GPR176: variants seen among roughly 807,000 people sequenced by gnomAD.
GPR176 encodes G protein-coupled receptor 176.
Under a neutral mutation model 35.4 loss-of-function variants are expected in GPR176, and 26 were observed. The ratio of observed to expected loss-of-function variants is 0.74; its 90% confidence interval spans 0.54 to 1.02. The LOEUF (loss-of-function observed/expected upper bound fraction) is 1.02, where lower values mean the gene tolerates loss of function less well. Among genes scored for constraint, GPR176 ranks in the 50% least tolerant of loss-of-function variants. The pLI, the probability that GPR176 is intolerant of heterozygous loss-of-function variation, is 0.00. For synonymous variants in GPR176, 278 were observed against 271.3 expected (o/e 1.02, Z -0.24); for missense variants, 597 against 665.3 (o/e 0.90, Z 1.13).
intron 1 of GPR176, among the ~76,000 whole-genome samples, chr15:39,851,337 C>T (rs990745085): frequency 1.3e-5 from 2 of 152,118 alleles, no homozygotes; most frequent in Non-Finnish European, 2.9e-5. Context: ...CAAGAAAGTA[C>T]TGCTGAGTCA....
chr15:39,918,485 GA>G (rs2033785173), intron 1 of GPR176, among the ~76,000 whole-genome samples: 1 of 152,114 alleles, frequency 6.6e-6, no homozygotes, highest in Non-Finnish European at 1.5e-5. Flanking sequence ...AAAACCTGCA[GA>G]AATAAAAATA....
At chr15:39,915,871 C>T (rs369374736) in intron 1 of GPR176, among the ~76,000 whole-genome samples, 25 of 152,166 alleles carry the variant, frequency 1.6e-4, no homozygotes, top group Non-Finnish European at 3.1e-4. Flanking sequence ...CAGAGTGAGA[C>T]GCCATCTCAA....
chr15:39,817,777 A>G (rs898916488), intron 1 of GPR176, among the ~76,000 whole-genome samples: 3 of 152,244 alleles, frequency 2.0e-5, no homozygotes, highest in Non-Finnish European at 4.4e-5. Flanking sequence ...TGATACCTGG[A>G]GAGTTCAAAA....
In GPR176 at chr15:39,799,372, A is replaced by G. The variant is rs1176087647; in HGVS notation, c.*1760T>C. 6.6e-6 allele frequency: 1 copy of G among 152,380 alleles called. No homozygotes were observed. Among genetic ancestry groups the G allele is most frequent in the African/African-American group, 2.4e-5 (1 of 41,470 alleles). The allele number at this position is 152,380 out of a possible 1,614,324, so 9.4% of individuals were successfully genotyped here. On this transcript the variant is annotated 3_prime_UTR_variant, in exon 3 of 3. Coordinates refer to ENST00000561100, the MANE Select transcript of GPR176 (RefSeq NM_007223.3). ...TAGATGCCATGCACGCAGGGCCCAG[A>G]AGGCAGCAGAGCCGCAGGAGGCTGT...
At chr15:39,916,472 TAC>T (rs1247268251) in intron 1 of GPR176, among the ~76,000 whole-genome samples, 5 of 152,220 alleles carry the variant, frequency 3.3e-5, no homozygotes, top group Non-Finnish European at 7.3e-5. Flanking sequence ...GTTGGAATAT[TAC>T]AGTTATTCCA....
chr15:39,850,582 G>C (rs2030790181), intron 1 of GPR176, among the ~76,000 whole-genome samples: 1 of 152,140 alleles, frequency 6.6e-6, no homozygotes, highest in African/African-American at 2.4e-5. Context: ...GGGTAGTGTG[G>C]AAGGGAAGTA....
chr15:39,802,114 G>T lies in GPR176; in HGVS notation c.566C>A (p.Thr189Lys). The change falls in exon 3 of 3, where the codon ACG (threonine) becomes AAG (lysine). Residue 189 changes from threonine (T) to lysine (K), a missense_variant. Physicochemically the swap from Thr to Lys is moderately conservative, Grantham distance 78. This residue lies in a region of GPR176 where 220 missense variants were observed against 297.6 expected (regional missense o/e 0.74). Coordinates refer to ENST00000561100, the MANE Select transcript of GPR176 (RefSeq NM_007223.3). Reference sequence around the variant, plus strand: ...GCTCCAGACTTCCGTGCAGGTGGACGTGGCATAGATGTCAGCCACATTGGT... The same window carrying T: ...GCTCCAGACTTCCGTGCAGGTGGACTTGGCATAGATGTCAGCCACATTGGT... Reference protein sequence around the residue: ...AVTNVADIYATSTCTEVWSNS... With the variant: ...AVTNVADIYAKSTCTEVWSNS... The T allele has an allele frequency of 6.2e-7, 1 of 1,614,162 alleles. No individual in the cohort carries two copies.
chr15:39,821,716 A>G (rs1217955715), intron 1 of GPR176, among the ~76,000 whole-genome samples: 1 of 151,878 alleles, frequency 6.6e-6, no homozygotes, highest in African/African-American at 2.4e-5. Context: ...AGGAACCTGG[A>G]AAAGTTATCT....
intron 1 of GPR176, chr15:39,807,503 G>A: frequency 7.2e-7 from 1 of 1,388,506 alleles, no homozygotes; most frequent in Non-Finnish European, 9.5e-7. Flanking sequence ...ATTTAATTTT[G>A]GGCAAAATAG....
At chr15:39,873,611 TTTTTC>T (rs1203863493) in intron 1 of GPR176, among the ~76,000 whole-genome samples, 6 of 134,360 alleles carry the variant, frequency 4.5e-5, no homozygotes, top group Non-Finnish European at 6.5e-5. Flanking sequence ...CATGGGCTAG[TTTTTC>T]TTTTCTTTTT....
intron 1 of GPR176, among the ~76,000 whole-genome samples, chr15:39,846,793 A>C (rs944451131): frequency 2.0e-5 from 3 of 152,152 alleles, no homozygotes; most frequent in Non-Finnish European, 4.4e-5. Context: ...GATTTTTCAA[A>C]AAGTCTCTAA....
intron 1 of GPR176, among the ~76,000 whole-genome samples, chr15:39,818,878 T>C (rs965797489): frequency 2.0e-5 from 3 of 152,244 alleles, no homozygotes; most frequent in East Asian, 1.9e-4. Context: ...ATTTTTTCCA[T>C]ATAAATCAAC....
intron 1 of GPR176, among the ~76,000 whole-genome samples, chr15:39,880,213 T>A (rs1311111010): frequency 6.6e-6 from 1 of 152,180 alleles, no homozygotes; most frequent in Non-Finnish European, 1.5e-5. Context: ...GAAACAGTTC[T>A]CTCCCAAAGT....
At chr15:39,846,416 G>A (rs138506048) in intron 1 of GPR176, among the ~76,000 whole-genome samples, 8 of 152,288 alleles carry the variant, frequency 5.3e-5, no homozygotes, top group South Asian at 2.1e-4. Flanking sequence ...AACTGCCACC[G>A]CTACCCAGCT....
chr15:39,823,069 C>T (rs1900384325), intron 1 of GPR176, among the ~76,000 whole-genome samples: 1 of 152,234 alleles, frequency 6.6e-6, no homozygotes, highest in South Asian at 2.1e-4. Context: ...CCTGCTACTG[C>T]TTTGGCTATT....
At chr15:39,827,686 A>C (rs1435523748) in intron 1 of GPR176, among the ~76,000 whole-genome samples, 1 of 152,230 alleles carries the variant, frequency 6.6e-6, no homozygotes, top group Non-Finnish European at 1.5e-5. Flanking sequence ...GTAGGTTGGC[A>C]GTATCTATTA....
chr15:39,841,582 C>T (rs1310694657), intron 1 of GPR176, among the ~76,000 whole-genome samples: 1 of 152,012 alleles, frequency 6.6e-6, no homozygotes, highest in African/African-American at 2.4e-5. Flanking sequence ...CTGAGGAATG[C>T]CAGAGATTGC....
At chr15:39,898,638 G>C (rs2033188561) in intron 1 of GPR176, among the ~76,000 whole-genome samples, 2 of 152,158 alleles carry the variant, frequency 1.3e-5, no homozygotes, top group African/African-American at 4.8e-5. Flanking sequence ...GGAGTGTAAA[G>C]AGACGAGCTA....
At chr15:39,891,696 C>A (rs747648255) in intron 1 of GPR176, among the ~76,000 whole-genome samples, 1 of 152,072 alleles carries the variant, frequency 6.6e-6, no homozygotes, top group Non-Finnish European at 1.5e-5. Flanking sequence ...AAATACAGTA[C>A]TGAGTGGTGG....
Sources: gnomAD v4.1 joint callset for allele counts (sites outside exome capture counted in the v4.1 genomes callset) on GRCh38, gnomAD v4.1.1 for gene constraint, gnomAD v4.1.1 regional missense constraint, MANE v1.5 for transcripts, NCBI Gene and HGNC (gene_info 2026-07-23, HGNC 2026-07-21) for gene names.